The following RPS6KA5 variants were observed in gnomAD, a reference collection of about 807,000 sequenced individuals.
RPS6KA5 encodes the protein ribosomal protein S6 kinase A5, also known as ribosomal protein S6 kinase alpha-5.
RPS6KA5 carries 27 observed loss-of-function variants against 85.5 expected under a neutral mutation model. The ratio of observed to expected loss-of-function variants is 0.32; its 90% CI spans 0.23 to 0.44. RPS6KA5 has a LOEUF of 0.44. RPS6KA5 is among the 20% of genes least tolerant of loss of function. The pLI is 1.00. For missense variants in RPS6KA5, 811 were observed against 980.9 expected (o/e 0.83, Z 2.31); for synonymous variants, 334 against 348.2 (o/e 0.96, Z 0.46).
At chr14:91,056,762 A>ATTG (rs1263792574) in intron 1 of RPS6KA5, among the ~76,000 whole-genome samples, 8 of 145,776 alleles carry the variant, frequency 5.5e-5, no homozygotes, top group Admixed American at 5.5e-4. Context: ...CCTTTTTGTT[A>ATTG]TTGTTGTTGA....
At chr14:90,963,303 T>C (rs1311543612) in intron 3 of RPS6KA5, among the ~76,000 whole-genome samples, 1 of 152,246 alleles carries the variant, frequency 6.6e-6, no homozygotes, top group Non-Finnish European at 1.5e-5. Context: ...TTACCCAACA[T>C]TGGTGTTAAC....
At chr14:90,898,688 AG>A (rs113065721) in intron 12 of RPS6KA5, among the ~76,000 whole-genome samples, 1,880 of 152,310 alleles carry the variant, frequency 0.012, 39 homozygotes, top group African/African-American at 0.043. Flanking sequence ...TCAGGGGCAG[AG>A]AAGTGTAATG....
chr14:91,059,090 G>A (rs2043474497), intron 1 of RPS6KA5, among the ~76,000 whole-genome samples: 1 of 152,194 alleles, frequency 6.6e-6, no homozygotes, highest in Non-Finnish European at 1.5e-5. Context: ...CACTTTGGGA[G>A]GCCGAGGCGG....
intron 2 of RPS6KA5, among the ~76,000 whole-genome samples, chr14:90,982,510 A>G (rs1366870679): frequency 6.6e-6 from 1 of 152,194 alleles, no homozygotes; most frequent in Non-Finnish European, 1.5e-5. Context: ...GCTTGGATGG[A>G]GCTGCTTAAA....
intron 12 of RPS6KA5, among the ~76,000 whole-genome samples, chr14:90,896,220 C>T (rs1012740399): frequency 6.6e-6 from 1 of 152,156 alleles, no homozygotes; most frequent in African/African-American, 2.4e-5. Context: ...CAACTGTAGG[C>T]TGGTGAGCTT....
At chr14:91,048,774 A>G (rs1372942120) in intron 1 of RPS6KA5, among the ~76,000 whole-genome samples, 1 of 152,100 alleles carries the variant, frequency 6.6e-6, no homozygotes, top group Admixed American at 6.5e-5. Flanking sequence ...AACTGTGACA[A>G]CCCCTCCCTC....
rs2033270497 is a variant in RPS6KA5, at chr14:90,873,694, T to A, written c.2098A>T (p.Thr700Ser). The stretch of plus-strand genomic sequence containing the variant: ...CCGGAAGATCCTAGAATATCCGGAG[T>A]CATCAGAGGATTGGAGGACAGCTGA... ...GSQLSSNPLM[T>S]PDILGSSGAA... The change falls in exon 16 of 17, where the codon ACT becomes TCT. Residue 700 changes from threonine to serine, a missense_variant. By Grantham distance (58) the Thr-to-Ser change is moderately conservative. This residue lies in a region of RPS6KA5 where 650 missense variants were observed against 793.4 expected (regional missense o/e 0.82). Transcript: ENST00000614987. 1 of 1,614,054 alleles carries A rather than the reference T, an allele frequency of 6.2e-7. No homozygotes were observed. The highest frequency in any genetic ancestry group is 8.5e-7 in the Non-Finnish European group (1 of 1,179,992).
intron 14 of RPS6KA5, among the ~76,000 whole-genome samples, chr14:90,879,489 G>C (rs894018637): frequency 6.6e-6 from 1 of 152,174 alleles, no homozygotes; most frequent in Non-Finnish European, 1.5e-5. Flanking sequence ...GAGCTGTGCT[G>C]AACCAATGGC....
intron 3 of RPS6KA5, among the ~76,000 whole-genome samples, chr14:90,957,316 TGGCCTCCCAA>T (rs1364354145): frequency 6.6e-6 from 1 of 152,200 alleles, no homozygotes; most frequent in Non-Finnish European, 1.5e-5. Context: ...CTGCCTCCCA[TGGCCTCCCAA>T]AGTGCTGGGA....
At chr14:90,958,301 G>T (rs958574965) in intron 3 of RPS6KA5, among the ~76,000 whole-genome samples, 1 of 152,144 alleles carries the variant, frequency 6.6e-6, no homozygotes, top group Non-Finnish European at 1.5e-5. Flanking sequence ...TTCAACTTAG[G>T]AGAACTGACA....
At chr14:90,947,881 T>C (rs2037955588) in intron 3 of RPS6KA5, among the ~76,000 whole-genome samples, 1 of 152,192 alleles carries the variant, frequency 6.6e-6, no homozygotes, top group East Asian at 1.9e-4. Flanking sequence ...CTTAACCTAC[T>C]CTGGAGTACC....
chr14:91,051,396 T>C (rs1003584910), intron 1 of RPS6KA5, among the ~76,000 whole-genome samples: 3 of 151,944 alleles, frequency 2.0e-5, no homozygotes, highest in African/African-American at 7.2e-5. Flanking sequence ...CTGGGCAACA[T>C]AGTGAGATTC....
chr14:90,995,407 G>C (rs533946776), intron 2 of RPS6KA5, among the ~76,000 whole-genome samples: 1 of 152,112 alleles, frequency 6.6e-6, no homozygotes, highest in Admixed American at 6.5e-5. Flanking sequence ...TCCTTCACCC[G>C]AAGCCAATGC....
intron 3 of RPS6KA5, among the ~76,000 whole-genome samples, chr14:90,954,253 A>G (rs1410047743): frequency 6.6e-6 from 1 of 152,236 alleles, no homozygotes; most frequent in Admixed American, 6.5e-5. Flanking sequence ...TGGTATTGGC[A>G]TAATACTGGC....
chr14:91,044,429 G>A (rs1445230079), intron 1 of RPS6KA5, among the ~76,000 whole-genome samples: 2 of 129,966 alleles, frequency 1.5e-5, no homozygotes, highest in Non-Finnish European at 3.2e-5. Flanking sequence ...AAGAAAGAAA[G>A]AAAGAAAGAA....
intron 5 of RPS6KA5, among the ~76,000 whole-genome samples, chr14:90,931,540 T>C (rs2036979204): frequency 6.6e-6 from 1 of 152,086 alleles, no homozygotes; most frequent in African/African-American, 2.4e-5. Context: ...ACAATTAAAA[T>C]TTTTTTAAAA....
At chr14:91,043,006 AT>A (rs1353305497) in intron 1 of RPS6KA5, among the ~76,000 whole-genome samples, 1 of 151,988 alleles carries the variant, frequency 6.6e-6, no homozygotes, top group East Asian at 1.9e-4. Context: ...CTTCACCTGC[AT>A]TCACTCCTCA....
chr14:91,055,707 A>G (rs2043284527), intron 1 of RPS6KA5, among the ~76,000 whole-genome samples: 1 of 152,174 alleles, frequency 6.6e-6, no homozygotes, highest in African/African-American at 2.4e-5. Context: ...TGAGCCTAGG[A>G]GTTTGAAATT....
chr14:90,850,477 A>C lies in RPS6KA5; in HGVS notation c.*21597T>G, dbSNP rs1039390684. 11 of 152,184 alleles carry C rather than the reference A, an allele frequency of 7.2e-5. No individual in the cohort carries two copies. Among genetic ancestry groups the C allele is most frequent in the South Asian group, 4.1e-4 (2 of 4,832 alleles). 9.4% of individuals were successfully genotyped at this position (152,184 alleles called of 1,614,324 possible). ...GGGAAACCATACAAAAAAAAAAAAA[A>C]AAAACAGAAAATATTACATAACCAG... On this transcript the variant is annotated 3_prime_UTR_variant, in exon 17 of 17. Transcript: ENST00000614987.
Sources: allele counts gnomAD v4.1 joint callset (sites outside exome capture counted in the v4.1 genomes callset), GRCh38; gene constraint gnomAD v4.1.1; regional missense constraint gnomAD v4.1.1; transcripts MANE v1.5; gene names NCBI Gene and HGNC (gene_info 2026-07-23, HGNC 2026-07-21).